Variants in OSBPL8 observed in about 807,000 individuals in gnomAD.
OSBPL8 encodes oxysterol-binding protein-related protein 8.
Under a neutral mutation model 125.5 loss-of-function variants are expected in OSBPL8, and 59 were observed. That is an observed-to-expected ratio of 0.47 (90% CI 0.38 to 0.58). OSBPL8 has a LOEUF of 0.58. Ranked by LOEUF, OSBPL8 falls within the 20% of genes least tolerant of loss-of-function variation. The probability of loss-of-function intolerance (pLI) is 0.00; values close to 1 mark genes in which losing one functional copy is unlikely to be tolerated. For missense variants in OSBPL8, 758 were observed against 1,047.8 expected, an observed-to-expected ratio of 0.72 and a Z score of 3.82; for synonymous variants, 330 against 338.9, an observed-to-expected ratio of 0.97 and a Z score of 0.29.
intron 12 of OSBPL8, 137 bp from the exon 13 acceptor site, chr12:76,386,797 G>A: frequency 1.7e-6 from 1 of 577,648 alleles, no homozygotes; most frequent in East Asian, 3.0e-5. Context: ...AAACAACCAT[G>A]TAATCAATTT....
chr12:76,393,700 G>A (rs1409444853), intron 9 of OSBPL8, among the ~76,000 whole-genome samples: 2 of 75,550 alleles, frequency 2.6e-5, no homozygotes, highest in Non-Finnish European at 4.7e-5. Flanking sequence ...GACAGAGTGA[G>A]ACTCCGTTTC....
At chr12:76,379,741 T>C (rs1952964592) in intron 15 of OSBPL8, among the ~76,000 whole-genome samples, 2 of 152,262 alleles carry the variant, frequency 1.3e-5, no homozygotes, top group Admixed American at 6.5e-5. Flanking sequence ...GTTGTGATTA[T>C]TTCCTTACTA....
At chr12:76,485,294 G>A (rs1027782799) in intron 2 of OSBPL8, among the ~76,000 whole-genome samples, 11 of 151,976 alleles carry the variant, frequency 7.2e-5, no homozygotes, top group Middle Eastern at 6.3e-3. Flanking sequence ...GACTAAGACC[G>A]GGCGCAGTAG....
chr12:76,519,595 A>T (rs955253860), intron 1 of OSBPL8, among the ~76,000 whole-genome samples: 1 of 152,182 alleles, frequency 6.6e-6, no homozygotes, highest in South Asian at 2.1e-4. Context: ...CTATAAATAC[A>T]TACCTGAATC....
intron 15 of OSBPL8, among the ~76,000 whole-genome samples, chr12:76,380,934 T>C (rs1270708922): frequency 2.6e-5 from 4 of 152,166 alleles, no homozygotes; most frequent in South Asian, 2.1e-4. Context: ...AAGAAATAAA[T>C]AGGTGTTGAA....
chr12:76,387,501 C>A (rs1953365025), intron 12 of OSBPL8, among the ~76,000 whole-genome samples: 1 of 152,136 alleles, frequency 6.6e-6, no homozygotes, highest in African/African-American at 2.4e-5. Flanking sequence ...GACTCAGCTG[C>A]CCTCCATACA....
At chr12:76,368,973 C>G (rs966567782) in intron 21 of OSBPL8, among the ~76,000 whole-genome samples, 6 of 152,174 alleles carry the variant, frequency 3.9e-5, no homozygotes, top group Non-Finnish European at 7.3e-5. Context: ...TCTCTTTGCA[C>G]TTTCTTGACC....
At chr12:76,529,982 C>T (rs1474361438) in intron 1 of OSBPL8, among the ~76,000 whole-genome samples, 3 of 152,094 alleles carry the variant, frequency 2.0e-5, no homozygotes, top group African/African-American at 7.2e-5. Context: ...ATGCTGATTG[C>T]TCATTCTGCA....
At chr12:76,385,222 GAGA>G (rs1202484377) in intron 14 of OSBPL8, among the ~76,000 whole-genome samples, 1 of 152,116 alleles carries the variant, frequency 6.6e-6, no homozygotes, top group Admixed American at 6.6e-5. Context: ...AAACCTCTAG[GAGA>G]AGAAGGTTTT....
At chr12:76,452,248 G>A (rs989726728) in intron 3 of OSBPL8, among the ~76,000 whole-genome samples, 1 of 152,026 alleles carries the variant, frequency 6.6e-6, no homozygotes, top group African/African-American at 2.4e-5. Flanking sequence ...TGTTGCGATA[G>A]TTTTCAAAAT....
chr12:76,558,816 C>T (rs1951186371), intron 1 of OSBPL8, among the ~76,000 whole-genome samples: 1 of 152,224 alleles, frequency 6.6e-6, no homozygotes, highest in Non-Finnish European at 1.5e-5. Context: ...CCTGATTCCA[C>T]TCTTGAGAGA....
At chr12:76,508,397 T>C (rs1263269523) in intron 1 of OSBPL8, among the ~76,000 whole-genome samples, 1 of 152,204 alleles carries the variant, frequency 6.6e-6, no homozygotes, top group African/African-American at 2.4e-5. Context: ...CATTAAGATT[T>C]ACTATGAAGC....
At chr12:76,543,014 T>C (rs1463116228) in intron 1 of OSBPL8, among the ~76,000 whole-genome samples, 2 of 152,214 alleles carry the variant, frequency 1.3e-5, no homozygotes, top group East Asian at 1.9e-4. Flanking sequence ...CCTCCCCGAC[T>C]AGGTGTGCAT....
intron 21 of OSBPL8, among the ~76,000 whole-genome samples, chr12:76,364,080 GAAGA>G (rs1238072468): frequency 6.6e-6 from 1 of 152,192 alleles, no homozygotes; most frequent in Admixed American, 6.5e-5. Context: ...AACCATTGTG[GAAGA>G]CAGTGTGGTG....
At chr12:76,422,668 T>C (rs1869646092) in intron 4 of OSBPL8, 2 of 456,112 alleles carry the variant, frequency 4.4e-6, no homozygotes, top group South Asian at 1.6e-5. Flanking sequence ...AGAAGGTCTA[T>C]TTAATGTATA....
At chr12:76,539,571 G>T (rs1431518804) in intron 1 of OSBPL8, among the ~76,000 whole-genome samples, 1 of 152,118 alleles carries the variant, frequency 6.6e-6, no homozygotes, top group Non-Finnish European at 1.5e-5. Context: ...TTCAATCAAC[G>T]TAATATTAAT....
intron 4 of OSBPL8, among the ~76,000 whole-genome samples, chr12:76,420,653 A>C (rs1263456954): frequency 6.6e-6 from 1 of 152,098 alleles, no homozygotes; most frequent in Non-Finnish European, 1.5e-5. Context: ...ATCACTAATG[A>C]AGAACAAATC....
chr12:76,531,810 G>A (rs943012139), intron 1 of OSBPL8, among the ~76,000 whole-genome samples: 2 of 152,064 alleles, frequency 1.3e-5, no homozygotes, highest in African/African-American at 4.8e-5. Flanking sequence ...AGCCGAGGCA[G>A]GCAGATCACG....
intron 4 of OSBPL8, among the ~76,000 whole-genome samples, chr12:76,433,186 C>T (rs1871051283): frequency 6.6e-6 from 1 of 152,136 alleles, no homozygotes; most frequent in Admixed American, 6.5e-5. Flanking sequence ...GATGCCCACT[C>T]TCACCACTTC....
Sources: allele counts gnomAD v4.1 joint callset (sites outside exome capture counted in the v4.1 genomes callset), GRCh38; gene constraint gnomAD v4.1.1; transcripts MANE v1.5; gene names NCBI Gene and HGNC (gene_info 2026-07-23, HGNC 2026-07-21).